BCAS3: variants seen among roughly 807,000 people sequenced by gnomAD.
BCAS3 encodes the protein BCAS3 microtubule associated cell migration factor.
In BCAS3, 53 loss-of-function variants were observed where a neutral mutation model predicts 116.1. The observed-to-expected ratio is 0.46, with a 90% CI of 0.37 to 0.57. The LOEUF (loss-of-function observed/expected upper bound fraction) is 0.57. Among genes scored for constraint, BCAS3 ranks in the 20% least tolerant of loss-of-function variants. BCAS3 has a pLI of 0.00. For missense variants in BCAS3, 917 were observed against 1,165.4 expected (o/e 0.79, Z 3.10); for synonymous variants, 391 against 408.2 (o/e 0.96, Z 0.51).
At position 61,346,791 on chromosome 17, in the gene BCAS3, C is replaced by T. The variant is rs185812344; in HGVS notation, c.2426-21536C>T. 8.9e-4 allele frequency among the ~76,000 whole-genome samples: 135 copies of T among 152,308 alleles called. No individual in the cohort carries two copies. Among genetic ancestry groups the T allele is most frequent in the African/African-American group, 3.2e-3 (135 of 41,560 alleles). On this transcript the variant is annotated intron_variant, in intron 22 of 23. Transcript: ENST00000407086. The surrounding 1 kb of genome is among the most constrained non-coding windows in gnomAD (Gnocchi z 5.4). ...CCACTTCACCACAGTCTCATCTACG[C>T]TGTGTTAGAGGGTTAGCATGTGCTG...
chr17:60,746,075 A>G (rs188748100), intron 5 of BCAS3, among the ~76,000 whole-genome samples: 1 of 152,216 alleles, frequency 6.6e-6, no homozygotes, highest in Non-Finnish European at 1.5e-5. Context: ...AAATACCATC[A>G]GTATGTTTCC....
chr17:61,295,153 C>T (rs557278166), intron 22 of BCAS3, among the ~76,000 whole-genome samples: 1 of 152,204 alleles, frequency 6.6e-6, no homozygotes. Context: ...GGAGGGTATG[C>T]TCCCTAATAA....
At chr17:61,111,480 G>T (rs1366782169) in intron 22 of BCAS3, among the ~76,000 whole-genome samples, 2 of 152,012 alleles carry the variant, frequency 1.3e-5, no homozygotes, top group South Asian at 4.2e-4. Context: ...GGAAGAAAGG[G>T]TATCAGCGAC....
intron 15 of BCAS3, among the ~76,000 whole-genome samples, chr17:61,015,034 AT>A (rs1555669285): frequency 2.6e-5 from 4 of 152,196 alleles, no homozygotes; most frequent in Non-Finnish European, 5.9e-5. Context: ...ATTAAAAGGT[AT>A]ATTATTGTTA....
intron 4 of BCAS3, among the ~76,000 whole-genome samples, chr17:60,703,851 T>G (rs2036750142): frequency 1.3e-5 from 2 of 149,964 alleles, no homozygotes; most frequent in South Asian, 4.2e-4. Flanking sequence ...GAGGCGGAGC[T>G]TGTAGTGAGC....
intron 14 of BCAS3, among the ~76,000 whole-genome samples, chr17:60,957,649 A>T (rs1308474108): frequency 6.6e-6 from 1 of 152,136 alleles, no homozygotes; most frequent in Non-Finnish European, 1.5e-5. Context: ...GTAATCCTTA[A>T]ACCACTTATC....
At chr17:60,770,973 G>A (rs780150111) in intron 6 of BCAS3, among the ~76,000 whole-genome samples, 6 of 146,162 alleles carry the variant, frequency 4.1e-5, no homozygotes, top group Admixed American at 2.1e-4. Flanking sequence ...GTGCCACCAC[G>A]CCTACCTAAT....
At chr17:60,686,419 CT>C (rs199898698) in intron 3 of BCAS3, among the ~76,000 whole-genome samples, 7,083 of 152,162 alleles carry the variant, frequency 0.047, 582 homozygotes, top group African/African-American at 0.16. Flanking sequence ...CTGGTAGCAG[CT>C]TCTTTAGTTA....
At chr17:60,977,491 TTTA>T (rs199534358) in intron 14 of BCAS3, among the ~76,000 whole-genome samples, 74 of 149,626 alleles carry the variant, frequency 4.9e-4, no homozygotes, top group Middle Eastern at 3.4e-3. Flanking sequence ...GCACTTTCTT[TTTA>T]TTATTATTAT....
intron 14 of BCAS3, among the ~76,000 whole-genome samples, chr17:60,950,537 G>A (rs1171744603): frequency 1.3e-5 from 2 of 152,208 alleles, no homozygotes; most frequent in African/African-American, 4.8e-5. Context: ...GCCCAGGCTA[G>A]TCTTGAACTC....
At chr17:61,360,858 T>A (rs2058419151) in intron 22 of BCAS3, among the ~76,000 whole-genome samples, 1 of 152,206 alleles carries the variant, frequency 6.6e-6, no homozygotes, top group Non-Finnish European at 1.5e-5. Context: ...ACAGGGAAAA[T>A]GACTCTTCCA....
chr17:60,819,489 GA>G (rs1466182644), intron 7 of BCAS3, among the ~76,000 whole-genome samples: 1 of 152,150 alleles, frequency 6.6e-6, no homozygotes, highest in Non-Finnish European at 1.5e-5. Context: ...AATTGGTACA[GA>G]TCTCAAATGG....
chr17:60,684,067 C>T (rs780602504), intron 3 of BCAS3, 31 bp downstream of exon 3: 1 of 1,604,906 alleles, frequency 6.2e-7, no homozygotes, highest in Admixed American at 1.7e-5. Flanking sequence ...TCGCCTTTCC[C>T]TTTGGTCAGG....
At chr17:60,937,266 G>A (rs754844871) in intron 13 of BCAS3, among the ~76,000 whole-genome samples, 8 of 151,128 alleles carry the variant, frequency 5.3e-5, no homozygotes, top group Non-Finnish European at 1.0e-4. Context: ...TGAATGGTGC[G>A]TTTTGAGTTT....
rs573998921 is a variant in BCAS3, at chr17:61,059,647, C to T, written c.2030-15273C>T. 3.3e-5 allele frequency among the ~76,000 whole-genome samples: 5 copies of T among 152,250 alleles called. No homozygotes were observed. In the South Asian group the frequency reaches 8.3e-4, roughly 25 times the overall value. ...AACATACTTTGTTGTGAAGAGAAAG[C>T]GTTTGTATTATATCTCCTCTGATCT... On this transcript the variant is annotated intron_variant, in intron 19 of 23. Coordinates refer to ENST00000407086, the MANE Select transcript of BCAS3 (RefSeq NM_017679.5).
rs762598287 is a variant in BCAS3 at position 61,323,987 on chromosome 17, A to G, written c.2426-44340A>G. Among the ~76,000 whole-genome samples the G allele has an allele frequency of 2.0e-5, 3 of 152,212 alleles. No individual in the cohort carries two copies. Among genetic ancestry groups the G allele is most frequent in the Non-Finnish European group, 2.9e-5 (2 of 68,030 alleles). Reference sequence around the variant, plus strand: ...GGCGGGAGACGAGGTAAGAACTGTTAGTGTCTGTGAGATGTTTGGGGATTT... The same window carrying G: ...GGCGGGAGACGAGGTAAGAACTGTTGGTGTCTGTGAGATGTTTGGGGATTT... On this transcript the variant is annotated intron_variant, in intron 22 of 23. Transcript: ENST00000407086. This position sits in a 1 kb window ranked among gnomAD's most constrained non-coding sequence, Gnocchi z 4.6.
At chr17:61,066,541 A>T (rs1401855464) in intron 19 of BCAS3, among the ~76,000 whole-genome samples, 1 of 152,086 alleles carries the variant, frequency 6.6e-6, no homozygotes, top group Non-Finnish European at 1.5e-5. Flanking sequence ...ACAAGGTCTA[A>T]TTTTTTTCCT....
Position 60,915,873 on chromosome 17 carries a change from C to T in BCAS3, c.993+5171C>T, listed in dbSNP as rs1017588706. ...AATTTTATGTATTTTTTAGTAGAGA[C>T]GGGGTTTCGCCATGTTAGCCAGGAT... On this transcript the variant is annotated intron_variant, in intron 12 of 23. Coordinates refer to ENST00000407086, the MANE Select transcript of BCAS3 (RefSeq NM_017679.5). Among the ~76,000 whole-genome samples the T allele has an allele frequency of 1.1e-4, 16 of 151,786 alleles. No homozygotes were observed. In the East Asian group the frequency reaches 2.5e-3, roughly 24 times the overall value.
In BCAS3 at chr17:61,348,805, T is replaced by G. The variant is rs142995625; in HGVS notation, c.2426-19522T>G. On this transcript the variant is annotated intron_variant, in intron 22 of 23. Coordinates refer to ENST00000407086, the MANE Select transcript of BCAS3 (RefSeq NM_017679.5). This position sits in a 1 kb window ranked among gnomAD's most constrained non-coding sequence, Gnocchi z 4.5. ...TCTCACTCTGTCGCCGAGGCTGGAG[T>G]GCAGTGGCATGATACCGGCTCACTG... Among the ~76,000 whole-genome samples, 1,969 of 144,854 alleles carry G rather than the reference T, an allele frequency of 0.014. 41 individuals carry two copies. The highest frequency in any genetic ancestry group is 0.048 in the African/African-American group (1,869 of 39,284).
Sources: gnomAD v4.1 joint callset for allele counts (sites outside exome capture counted in the v4.1 genomes callset) on GRCh38, gnomAD v4.1.1 for gene constraint, Gnocchi (gnomAD v3.1) non-coding constraint, MANE v1.5 for transcripts, NCBI Gene and HGNC (gene_info 2026-07-23, HGNC 2026-07-21) for gene names.